HTR4: variants seen among roughly 807,000 people sequenced by gnomAD.
HTR4 encodes the protein 5-hydroxytryptamine (serotonin) receptor 4, G protein-coupled.
A neutral mutation model predicts 36.8 loss-of-function variants in HTR4; 16 were observed. The ratio of observed to expected loss-of-function variants is 0.43; its 90% CI spans 0.29 to 0.66. The LOEUF (loss-of-function observed/expected upper bound fraction) is 0.66, where lower values mean the gene tolerates loss of function less well. Ranked by LOEUF, HTR4 falls within the 30% of genes least tolerant of loss-of-function variation. The pLI, the probability that HTR4 is intolerant of heterozygous loss-of-function variation, is 0.13. For missense variants in HTR4, 438 were observed against 490.9 expected (o/e 0.89, Z 1.02); for synonymous variants, 189 against 185.1 (o/e 1.02, Z -0.17).
intron 4 of HTR4, among the ~76,000 whole-genome samples, chr5:148,523,750 A>C (rs982156953): frequency 1.5e-4 from 23 of 152,058 alleles, no homozygotes; most frequent in Middle Eastern, 3.2e-3. Context: ...TATCTGGAGG[A>C]GCTCCACACA....
chr5:148,546,238 G>A (rs1431716346), intron 4 of HTR4, among the ~76,000 whole-genome samples: 1 of 152,108 alleles, frequency 6.6e-6, no homozygotes, highest in African/African-American at 2.4e-5. Context: ...CCACTAACAT[G>A]GAATATTGTG....
intron 2 of HTR4, among the ~76,000 whole-genome samples, chr5:148,624,325 T>C (rs1369226003): frequency 1.3e-5 from 2 of 152,188 alleles, no homozygotes; most frequent in East Asian, 1.9e-4. Context: ...TTGTATAAAT[T>C]TGGGCAAGCT....
intron 1 of HTR4, among the ~76,000 whole-genome samples, chr5:148,652,754 T>C (rs1030073142): frequency 2.6e-5 from 4 of 152,110 alleles, no homozygotes; most frequent in Admixed American, 6.5e-5. Context: ...ATAATAATTA[T>C]AATAAGGATA....
chr5:148,541,890 G>A (rs545531842), intron 4 of HTR4, among the ~76,000 whole-genome samples: 26 of 152,046 alleles, frequency 1.7e-4, no homozygotes, highest in African/African-American at 5.5e-4. Context: ...TGCAGATCCC[G>A]GCATCAGCAT....
intron 2 of HTR4, among the ~76,000 whole-genome samples, chr5:148,635,483 G>T (rs968277379): frequency 3.9e-5 from 6 of 152,094 alleles, no homozygotes; most frequent in Admixed American, 6.6e-5. Flanking sequence ...CTGCACTATT[G>T]TTCCACAGCA....
chr5:148,454,009 C>T (rs1460896899), intron 5 of HTR4, among the ~76,000 whole-genome samples: 1 of 152,180 alleles, frequency 6.6e-6, no homozygotes, highest in Admixed American at 6.5e-5. Flanking sequence ...TTAGCCTTCA[C>T]AACTTTTCTC....
At chr5:148,470,698 CT>C (rs1017740127) in intron 5 of HTR4, among the ~76,000 whole-genome samples, 1 of 151,950 alleles carries the variant, frequency 6.6e-6, no homozygotes, top group Non-Finnish European at 1.5e-5. Flanking sequence ...GAAGTAATTT[CT>C]TTTTTTTGAG....
chr5:148,619,453 A>T (rs1318972410), intron 2 of HTR4, among the ~76,000 whole-genome samples: 1 of 137,262 alleles, frequency 7.3e-6, no homozygotes, highest in Non-Finnish European at 1.5e-5. Context: ...GCAATCATTT[A>T]AGTTAATTAT....
chr5:148,506,826 A>G (rs935243749), intron 6 of HTR4, among the ~76,000 whole-genome samples: 7 of 152,186 alleles, frequency 4.6e-5, no homozygotes, highest in Admixed American at 3.9e-4. Context: ...ACAATGAGAT[A>G]CCATCTCACA....
chr5:148,484,507 T>C (rs1488218427), intron 6 of HTR4: 3 of 817,364 alleles, frequency 3.7e-6, no homozygotes, highest in East Asian at 2.8e-5. Context: ...CAATATTTAC[T>C]ATCTCCAGGC....
At chr5:148,588,486 C>T (rs1186406419) in intron 2 of HTR4, among the ~76,000 whole-genome samples, 1 of 149,554 alleles carries the variant, frequency 6.7e-6, no homozygotes, top group East Asian at 2.0e-4. Context: ...GTTATCACTA[C>T]ACTAAAAGTC....
chr5:148,466,037 A>C, intron 5 of HTR4: 1 of 1,527,722 alleles, frequency 6.5e-7, no homozygotes, highest in Non-Finnish European at 8.8e-7. Flanking sequence ...CTCAGCCTAA[A>C]TAAGCTTGCC....
intron 4 of HTR4, among the ~76,000 whole-genome samples, chr5:148,539,720 G>T (rs1420941178): frequency 6.6e-6 from 1 of 152,028 alleles, no homozygotes; most frequent in Non-Finnish European, 1.5e-5. Flanking sequence ...GTCAAAAAAT[G>T]ACACATGCTG....
intron 1 of HTR4, among the ~76,000 whole-genome samples, chr5:148,649,982 C>T (rs1467422135): frequency 3.3e-5 from 5 of 151,884 alleles, no homozygotes; most frequent in Non-Finnish European, 7.4e-5. Flanking sequence ...CAGATCTCAA[C>T]CTAGGTGAAT....
intron 6 of HTR4, among the ~76,000 whole-genome samples, chr5:148,490,116 C>T (rs1756346093): frequency 6.7e-6 from 1 of 149,362 alleles, no homozygotes; most frequent in Non-Finnish European, 1.5e-5. Flanking sequence ...TTTGGAAAGT[C>T]ATGCAAATGT....
In HTR4 at chr5:148,494,150, T is replaced by A. The variant is rs567858115; in HGVS notation, c.1077-10857A>T. Among the ~76,000 whole-genome samples, 75 of 152,348 alleles carry A rather than the reference T, an allele frequency of 4.9e-4. 2 individuals are homozygous for A. The South Asian group carries it at 0.014, about 29-fold the overall frequency. On this transcript the variant is annotated intron_variant, in intron 6 of 6. Transcript: ENST00000377888. ...ACAACTGTTTCAGCTGTGGAATTAA[T>A]ACATATTTTTTAAAGTGGTGGAAGC... is the stretch of plus-strand genomic sequence containing the variant.
Position 148,482,653 on chromosome 5 carries a change from G to T in HTR4, c.*550C>A, listed in dbSNP as rs1581359710. The T allele has an allele frequency of 2.0e-6, 2 of 989,300 alleles. No homozygotes were observed. The highest frequency in any genetic ancestry group is 9.2e-5 in the South Asian group (2 of 21,698). 61.3% of individuals were successfully genotyped at this position (989,300 alleles called of 1,614,324 possible). ...TTTGGACCCAGACACAGGGAGAAAA[G>T]TGTGTTAGCGTCTGGCACAGAACAG... On this transcript the variant is annotated 3_prime_UTR_variant, in exon 7 of 7. Transcript: ENST00000377888.
At chr5:148,454,861 A>G (rs1196259180) in intron 5 of HTR4, among the ~76,000 whole-genome samples, 1 of 152,098 alleles carries the variant, frequency 6.6e-6, no homozygotes, top group Non-Finnish European at 1.5e-5. Flanking sequence ...CCCCTTCCCC[A>G]TTGCTCTTGC....
chr5:148,566,352 A>C (rs1760442668), intron 2 of HTR4, among the ~76,000 whole-genome samples: 1 of 152,198 alleles, frequency 6.6e-6, no homozygotes, highest in African/African-American at 2.4e-5. Context: ...TACTAGAAGA[A>C]ATGAGTGGTT....
Sources: allele counts gnomAD v4.1 joint callset (sites outside exome capture counted in the v4.1 genomes callset), GRCh38; gene constraint gnomAD v4.1.1; transcripts MANE v1.5; gene names NCBI Gene and HGNC (gene_info 2026-07-23, HGNC 2026-07-21).